The following UVSSA variants were observed in gnomAD, a reference collection of about 807,000 sequenced individuals.
UVSSA encodes the protein UV stimulated scaffold protein A.
Under a neutral mutation model 73.9 loss-of-function variants are expected in UVSSA, and 72 were observed. The observed-to-expected ratio is 0.97, with a 90% CI of 0.81 to 1.19. The LOEUF (loss-of-function observed/expected upper bound fraction) is 1.19. Among genes scored for constraint, UVSSA ranks in the 50% most tolerant of loss-of-function variants. The probability of loss-of-function intolerance (pLI) is 0.00; values close to 1 mark genes in which losing one functional copy is unlikely to be tolerated. For synonymous variants in UVSSA, 454 were observed against 391.3 expected, an observed-to-expected ratio of 1.16 and a Z score of -1.89; for missense variants, 1,150 against 965.0, an observed-to-expected ratio of 1.19 and a Z score of -2.54.
At chr4:1,377,134 CG>C (rs575525171) in intron 10 of UVSSA, among the ~76,000 whole-genome samples, 1 of 152,012 alleles carries the variant, frequency 6.6e-6, no homozygotes, top group African/African-American at 2.4e-5. Flanking sequence ...CTCCAGAGAG[CG>C]GGGGGGCAGG....
At chr4:1,360,254 A>G (rs979575629) in intron 7 of UVSSA, among the ~76,000 whole-genome samples, 1 of 152,214 alleles carries the variant, frequency 6.6e-6, no homozygotes, top group Admixed American at 6.5e-5. Flanking sequence ...AGGCCCAGCC[A>G]GGGCCTTGTG....
chr4:1,380,581 C>T (rs1200123397), intron 11 of UVSSA: 9 of 1,383,786 alleles, frequency 6.5e-6, no homozygotes, highest in South Asian at 1.4e-5. Flanking sequence ...AGCTCCCAGC[C>T]GGGCAGCTGG....
chr4:1,348,980 GTGT>G (rs1714183812), intron 2 of UVSSA, among the ~76,000 whole-genome samples: 2 of 150,582 alleles, frequency 1.3e-5, no homozygotes, highest in African/African-American at 4.9e-5. Context: ...CAGGCGGTGT[GTGT>G]TTGTGCCGGG....
rs374103966 is a variant in UVSSA, at chr4:1,378,954, C to T, written c.1569-1093C>T. Among the ~76,000 whole-genome samples the T allele has an allele frequency of 9.4e-4, 143 of 152,358 alleles. 4 individuals carry two copies. The South Asian group carries it at 0.028, about 30-fold the overall frequency. ...GCCTTATCCCAAACCAGCCTCATCC[C>T]AGACCAAGGTGGATGCAGAAATGAG... is the stretch of plus-strand genomic sequence containing the variant. On this transcript the variant is annotated intron_variant, in intron 10 of 13. Transcript: ENST00000389851.
At chr4:1,350,120 A>AT (rs142662513) in intron 3 of UVSSA, among the ~76,000 whole-genome samples, 22,323 of 152,140 alleles carry the variant, frequency 0.15, 1,872 homozygotes, top group African/African-American at 0.22. Flanking sequence ...TGCATGTGTC[A>AT]TTTTTTATGT....
chr4:1,384,578 C>T (rs1440993174), intron 13 of UVSSA: 1 of 152,412 alleles, frequency 6.6e-6, no homozygotes. Flanking sequence ...TTTCTGTCTT[C>T]ATATTGCCTT....
In UVSSA at chr4:1,386,556, A is replaced by G. The variant is rs1317842489; in HGVS notation, c.*595A>G. 1 of 153,130 alleles carries G rather than the reference A, an allele frequency of 6.5e-6. No homozygotes were observed. Among genetic ancestry groups the G allele is most frequent in the Non-Finnish European group, 1.5e-5 (1 of 68,678 alleles). 9.5% of individuals were successfully genotyped at this position (153,130 alleles called of 1,614,324 possible). On this transcript the variant is annotated 3_prime_UTR_variant, in exon 14 of 14. Coordinates refer to ENST00000389851, the MANE Select transcript of UVSSA (RefSeq NM_020894.4). ...AAACAAAGGAGGTGAAAACCTGTCC[A>G]TGCGGAAGCTTGTGCACCCATGTTC...
chr4:1,349,531 G>A lies in UVSSA; in HGVS notation c.106G>A (p.Glu36Lys), dbSNP rs745445675. Residue 36 changes from glutamate to lysine, a missense_variant, in exon 3 of 14, where the codon GAG becomes AAG. Physicochemically the swap from Glu to Lys is moderately conservative, Grantham distance 56. Transcript: ENST00000389851. ...KELKKICKSS[E>K]EQLSRAYRLL... ...GCCAGCTCGCATCCCCAGGTCTTCA[G>A]AGGAGCAGCTGAGCCGCGCCTACCG... 1 of 1,612,582 alleles carries A rather than the reference G, an allele frequency of 6.2e-7. No individual in the cohort carries two copies. Among genetic ancestry groups the A allele is most frequent in the Non-Finnish European group, 8.5e-7 (1 of 1,179,364 alleles).
chr4:1,355,127 G>T lies in UVSSA; in HGVS notation c.1058G>T (p.Arg353Leu), dbSNP rs563763967. Residue 353 changes from arginine to leucine, a missense_variant, in exon 7 of 14, where the codon CGC (arginine) becomes CTC (leucine). Arg to Leu is a moderately radical substitution (Grantham distance 102, BLOSUM62 -2). Transcript: ENST00000389851. Reference protein sequence around the residue: ...AVCSWIQRFTRVGTHGGCLKR... With the variant: ...AVCSWIQRFTLVGTHGGCLKR... The stretch of plus-strand genomic sequence containing the variant: ...ACCCCCGTTTCGCAGCGCTTCACCC[G>T]CGTCGGGACCCACGGTGGATGTTTA... 2 of 1,613,674 alleles carry T rather than the reference G, an allele frequency of 1.2e-6. No individual in the cohort carries two copies. Among genetic ancestry groups the T allele is most frequent in the African/African-American group, 1.3e-5 (1 of 75,040 alleles).
upstream of UVSSA, among the ~76,000 whole-genome samples, chr4:1,344,550 C>T (rs1438125635): frequency 5.3e-5 from 8 of 152,132 alleles, no homozygotes; most frequent in Non-Finnish European, 1.2e-4. Flanking sequence ...GACTCTGTCT[C>T]AAACAAAAAC....
chr4:1,385,734 C>A, intron 13 of UVSSA, 134 bp from the exon 14 acceptor site: 1 of 879,118 alleles, frequency 1.1e-6, no homozygotes, highest in South Asian at 1.5e-5. Flanking sequence ...AAGGTGGCAC[C>A]CACAGGCAGT....
chr4:1,346,595 G>A (rs371892357), upstream of UVSSA, among the ~76,000 whole-genome samples: 572 of 152,246 alleles, frequency 3.8e-3, 3 homozygotes, highest in African/African-American at 0.013. Flanking sequence ...CCCCAAGCCC[G>A]CCCAGGGATT....
At chr4:1,394,183 T>C (rs1170209205) in exon 14 of UVSSA, 4 of 472,818 alleles carry the variant, frequency 8.5e-6, no homozygotes, top group Non-Finnish European at 1.5e-5. Flanking sequence ...GCTCTGTGCC[T>C]GTGTGGGCAC....
chr4:1,395,365 C>T lies in UVSSA; in HGVS notation c.*9404C>T, dbSNP rs74841974. The stretch of plus-strand genomic sequence containing the variant: ...GGGGTGCCCGCCTGCTCACATGTGC[C>T]GATGTGGAGTGCCCGCCTGCTCACA... On this transcript the variant is annotated 3_prime_UTR_variant, in exon 14 of 14. Transcript: ENST00000511216. 2,595 of 1,550,808 alleles carry T rather than the reference C, an allele frequency of 1.7e-3. 200 individuals carry two copies. In the African/African-American group the frequency reaches 0.034, roughly 20 times the overall value.
chr4:1,360,609 T>C (rs1716489086), intron 7 of UVSSA, among the ~76,000 whole-genome samples: 4 of 152,182 alleles, frequency 2.6e-5, no homozygotes, highest in Admixed American at 2.6e-4. Context: ...TTCTGGCCCC[T>C]GTGGGCCCTG....
Position 1,349,785 on chromosome 4 carries a change from G to T in UVSSA, c.360G>T (p.Trp120Cys). 1 of 1,601,474 alleles carries T rather than the reference G, an allele frequency of 6.2e-7. No individual in the cohort carries two copies. The highest frequency in any genetic ancestry group is 8.5e-7 in the Non-Finnish European group (1 of 1,172,466). The change falls in exon 3 of 14, where the codon TGG becomes TGT. Residue 120 changes from tryptophan (W) to cysteine (C), a missense_variant. By Grantham distance (215) the Trp-to-Cys change is radical (BLOSUM62 -2). Transcript: ENST00000389851. The stretch of plus-strand genomic sequence containing the variant: ...CGACCACCCGGGCCGTGGAAGGGTG[G>T]AATGAGAAGTTTGGGGAGGCCTACA... ...RQATTRAVEG[W>C]NEKFGEAYKK...
intron 5 of UVSSA, 101 bp downstream of exon 5, chr4:1,353,514 G>T: frequency 7.1e-7 from 1 of 1,406,306 alleles, no homozygotes; most frequent in Non-Finnish European, 9.3e-7. Flanking sequence ...GGATGCAGGG[G>T]CCTCCCCTGG....
At chr4:1,373,648 C>T (rs1718403271) in intron 8 of UVSSA, among the ~76,000 whole-genome samples, 1 of 152,146 alleles carries the variant, frequency 6.6e-6, no homozygotes, top group Non-Finnish European at 1.5e-5. Context: ...CTTCCAATTC[C>T]AGGAAAATGT....
Position 1,362,306 on chromosome 4 carries a change from A to G in UVSSA, c.1177-4014A>G, listed in dbSNP as rs529311661. Among the ~76,000 whole-genome samples, 33 of 152,282 alleles carry G rather than the reference A, an allele frequency of 2.2e-4. 1 individual carries two copies. In the South Asian group the frequency reaches 3.3e-3, roughly 15 times the overall value. ...CTTGGCTCTCCATGTCGAGGGGTCTATAGCTCCTGTAGCTCCTGCACTGTG... is the reference window on the plus strand; with the variant it reads ...CTTGGCTCTCCATGTCGAGGGGTCTGTAGCTCCTGTAGCTCCTGCACTGTG... On this transcript the variant is annotated intron_variant, in intron 7 of 13. Coordinates refer to ENST00000389851, the MANE Select transcript of UVSSA (RefSeq NM_020894.4).
Sources: gnomAD v4.1 joint callset for allele counts (sites outside exome capture counted in the v4.1 genomes callset) on GRCh38, gnomAD v4.1.1 for gene constraint, MANE v1.5 for transcripts, NCBI Gene and HGNC (gene_info 2026-07-23, HGNC 2026-07-21) for gene names.